The following CADM2 variants were observed in gnomAD, a reference collection of about 807,000 sequenced individuals.
CADM2 encodes immunoglobulin superfamily member 4D.
CADM2 carries 12 observed loss-of-function variants against 49.8 expected under a neutral mutation model. The observed-to-expected ratio is 0.24, with a 90% CI of 0.15 to 0.39. The LOEUF is 0.39. Ranked by LOEUF, CADM2 falls within the 10% of genes least tolerant of loss-of-function variation. The pLI is 1.00. For synonymous variants in CADM2, 214 were observed against 175.4 expected, an observed-to-expected ratio of 1.22 and a Z score of -1.74; for missense variants, 378 against 492.3, an observed-to-expected ratio of 0.77 and a Z score of 2.20.
chr3:85,430,628 A>C lies in CADM2; in HGVS notation c.62-295894A>C, dbSNP rs1169090986. ...GAAAGGGGGCGGTGGGGGGGAGTAA[A>C]AGGGAGAGAAAGAGAGGAGAAAAAC... On this transcript the variant is annotated intron_variant, in intron 1 of 9. Coordinates refer to ENST00000383699, the MANE Select transcript of CADM2 (RefSeq NM_001167675.2). Among the ~76,000 whole-genome samples, 10 of 151,446 alleles carry C rather than the reference A, an allele frequency of 6.6e-5. No homozygotes were observed. In the Admixed American group the frequency reaches 6.6e-4, roughly 10 times the overall value.
intron 5 of CADM2, among the ~76,000 whole-genome samples, chr3:85,899,422 C>T (rs984646067): frequency 1.3e-5 from 2 of 151,952 alleles, no homozygotes; most frequent in Non-Finnish European, 2.9e-5. Context: ...TTTTTAATGC[C>T]TTTGTTATTA....
At chr3:85,376,199 C>T (rs916542495) in intron 1 of CADM2, among the ~76,000 whole-genome samples, 3 of 152,064 alleles carry the variant, frequency 2.0e-5, no homozygotes, top group Non-Finnish European at 4.4e-5. Flanking sequence ...TCATACACCT[C>T]TCTAAATTAC....
intron 2 of CADM2, among the ~76,000 whole-genome samples, chr3:85,730,100 C>T (rs1455936763): frequency 1.3e-5 from 2 of 152,092 alleles, no homozygotes; most frequent in Admixed American, 6.6e-5. Context: ...TCAAATTGTC[C>T]TAATTTTATC....
chr3:85,820,334 A>T (rs2073477228), intron 3 of CADM2, among the ~76,000 whole-genome samples: 1 of 152,302 alleles, frequency 6.6e-6, no homozygotes, highest in African/African-American at 2.4e-5. Context: ...TCAGGCTGTT[A>T]TCAGAAAAGT....
At chr3:85,033,921 T>C (rs1013139336) in intron 1 of CADM2, among the ~76,000 whole-genome samples, 2 of 152,208 alleles carry the variant, frequency 1.3e-5, no homozygotes, top group African/African-American at 2.4e-5. Flanking sequence ...TATATGTCCA[T>C]TATTAATATG....
intron 3 of CADM2, among the ~76,000 whole-genome samples, chr3:85,843,677 A>G (rs962260025): frequency 1.3e-5 from 2 of 152,152 alleles, no homozygotes; most frequent in African/African-American, 2.4e-5. Flanking sequence ...TTAATTAACT[A>G]TATGTAAGAT....
intron 5 of CADM2, among the ~76,000 whole-genome samples, chr3:85,903,822 T>C (rs2108456369): frequency 6.6e-6 from 1 of 152,254 alleles, no homozygotes; most frequent in East Asian, 1.9e-4. Context: ...CTGGTTGCCC[T>C]ACTGTTTTCA....
rs144554512 is a variant in CADM2 at position 86,012,002 on chromosome 3, T to C, written c.970+50355T>C. 9.7e-4 allele frequency among the ~76,000 whole-genome samples: 148 copies of C among 152,170 alleles called. No homozygotes were observed. The Middle Eastern group carries it at 0.01, about 11-fold the overall frequency. ...TGGATACTATTAAGAAGATTCATTCTAGTGTTTAATATTTTATGTGTTATA... is the reference window on the plus strand; with the variant it reads ...TGGATACTATTAAGAAGATTCATTCCAGTGTTTAATATTTTATGTGTTATA... On this transcript the variant is annotated intron_variant, in intron 8 of 9. Coordinates refer to ENST00000383699, the MANE Select transcript of CADM2 (RefSeq NM_001167675.2).
At chr3:85,658,594 A>ATATATG (rs2065286825) in intron 1 of CADM2, among the ~76,000 whole-genome samples, 1 of 138,028 alleles carries the variant, frequency 7.2e-6, no homozygotes, top group Non-Finnish European at 1.6e-5. Flanking sequence ...ATATATATAT[A>ATATATG]TATATATATA....
intron 1 of CADM2, among the ~76,000 whole-genome samples, chr3:85,481,229 G>GATATATAT (rs3086137): frequency 0.06 from 8,755 of 144,752 alleles, 323 homozygotes; most frequent in Middle Eastern, 0.086. Context: ...ATATATATTG[G>GATATATAT]ATATATATAT....
chr3:84,960,181 C>G (rs1167673889), intron 1 of CADM2: 4 of 159,074 alleles, frequency 2.5e-5, no homozygotes. Flanking sequence ...AGCGAGCTAC[C>G]AAGACGGGCG....
Position 85,045,041 on chromosome 3 carries a change from G to A in CADM2, c.61+85373G>A, listed in dbSNP as rs146670153. Among the ~76,000 whole-genome samples the A allele has an allele frequency of 7.0e-4, 106 of 152,060 alleles. 1 individual carries two copies. The South Asian group carries it at 0.015, about 21-fold the overall frequency. ...TTAAAAAGCCACTTCATCTTTGACC[G>A]TTAGCCTCGATTGTTTATTGTTGGT... On this transcript the variant is annotated intron_variant, in intron 1 of 9. Transcript: ENST00000383699.
chr3:85,787,364 C>A (rs192201168), intron 2 of CADM2, among the ~76,000 whole-genome samples: 18 of 152,144 alleles, frequency 1.2e-4, no homozygotes, highest in South Asian at 8.3e-4. Flanking sequence ...TTAATGGATT[C>A]TTTAATATTT....
chr3:85,864,076 G>A (rs1027509039), intron 3 of CADM2, among the ~76,000 whole-genome samples: 9 of 152,286 alleles, frequency 5.9e-5, no homozygotes, highest in Admixed American at 2.0e-4. Context: ...GGAACTAGGA[G>A]AATGATGGGA....
At chr3:85,515,615 A>ATG (rs150769388) in intron 1 of CADM2, among the ~76,000 whole-genome samples, 33,194 of 110,178 alleles carry the variant, frequency 0.3, 4,873 homozygotes, top group East Asian at 0.53. Context: ...CCACTAATAT[A>ATG]TATATATATA....
chr3:85,242,143 A>G (rs2042546054), intron 1 of CADM2, among the ~76,000 whole-genome samples: 3 of 151,218 alleles, frequency 2.0e-5, no homozygotes, highest in East Asian at 3.9e-4. Flanking sequence ...ATGAAATACT[A>G]TGAACTTTTC....
chr3:85,642,743 C>T (rs1446236585), intron 1 of CADM2, among the ~76,000 whole-genome samples: 1 of 152,054 alleles, frequency 6.6e-6, no homozygotes, highest in Non-Finnish European at 1.5e-5. Flanking sequence ...AAAGATGATT[C>T]ATTATTCAGT....
At chr3:86,033,856 T>C (rs1402099371) in intron 8 of CADM2, among the ~76,000 whole-genome samples, 3 of 148,208 alleles carry the variant, frequency 2.0e-5, no homozygotes, top group Non-Finnish European at 3.0e-5. Context: ...TATATATTTA[T>C]ATATAACAAA....
chr3:85,580,277 T>C (rs2062757792), intron 1 of CADM2, among the ~76,000 whole-genome samples: 1 of 152,182 alleles, frequency 6.6e-6, no homozygotes, highest in Non-Finnish European at 1.5e-5. Flanking sequence ...CAACAGAATG[T>C]ATCAAATTGT....
Sources: gnomAD v4.1 joint callset for allele counts (sites outside exome capture counted in the v4.1 genomes callset) on GRCh38, gnomAD v4.1.1 for gene constraint, MANE v1.5 for transcripts, NCBI Gene and HGNC (gene_info 2026-07-23, HGNC 2026-07-21) for gene names.